IL17RD: variants seen among roughly 807,000 people sequenced by gnomAD.
IL17RD encodes the protein interleukin 17 receptor D.
In IL17RD, 52 loss-of-function variants were observed where a neutral mutation model predicts 80.5. The ratio of observed to expected loss-of-function variants is 0.65; its 90% confidence interval spans 0.52 to 0.81. IL17RD has a LOEUF of 0.81. Among genes scored for constraint, IL17RD ranks in the 40% least tolerant of loss-of-function variants. The probability of loss-of-function intolerance (pLI) is 0.00; values close to 1 mark genes in which losing one functional copy is unlikely to be tolerated. For synonymous variants in IL17RD, 416 were observed against 391.8 expected (o/e 1.06, Z -0.73); for missense variants, 1,024 against 955.1 (o/e 1.07, Z -0.95).
chr3:57,126,259 G>A (rs1707456380), intron 1 of IL17RD, among the ~76,000 whole-genome samples: 1 of 152,172 alleles, frequency 6.6e-6, no homozygotes, highest in Admixed American at 6.5e-5. Context: ...TGTTCCAAAG[G>A]GAGCTAAGCA....
At chr3:57,165,434 C>T (rs928182601), upstream of IL17RD, 34 of 561,252 alleles carry the variant, frequency 6.1e-5, no homozygotes, top group Non-Finnish European at 8.0e-5. Flanking sequence ...CCGCCCCCAC[C>T]CTCAGTCCTC....
intron 1 of IL17RD, among the ~76,000 whole-genome samples, chr3:57,135,568 T>A (rs1707707753): frequency 6.6e-6 from 1 of 152,232 alleles, no homozygotes; most frequent in African/African-American, 2.4e-5. Context: ...CCAGACGGTC[T>A]TTACTGCCTG....
rs201447375 is a variant in IL17RD, at chr3:57,098,372, G to C, written c.1331C>G (p.Ser444Trp). 3.1e-5 allele frequency: 50 copies of C among 1,613,884 alleles called. No individual in the cohort carries two copies. The highest frequency in any genetic ancestry group is 3.3e-4 in the Middle Eastern group (2 of 6,084). ...CACCAGGAAGAGCTCTCCTTTCCCC[G>C]AGCCTCGGCCACCTCCTTTGTGTTT... ...NYKHKGGGRG[S>W]GKGELFLVAV... Residue 444 changes from serine to tryptophan, a missense_variant, in exon 12 of 13, where the codon TCG becomes TGG. Physicochemically the swap from Ser to Trp is radical, Grantham distance 177 (BLOSUM62 -3). Coordinates refer to ENST00000296318, the MANE Select transcript of IL17RD (RefSeq NM_017563.5).
intron 5 of IL17RD, among the ~76,000 whole-genome samples, chr3:57,107,128 C>G (rs896616068): frequency 6.6e-6 from 1 of 152,140 alleles, no homozygotes; most frequent in Non-Finnish European, 1.5e-5. Context: ...CCTGTAATCC[C>G]AGCACTTTGG....
intron 1 of IL17RD, among the ~76,000 whole-genome samples, chr3:57,135,952 G>T (rs1707717102): frequency 6.6e-6 from 1 of 152,096 alleles, no homozygotes; most frequent in Non-Finnish European, 1.5e-5. Context: ...TATTGATGTG[G>T]GTATCCTAAA....
chr3:57,097,499 A>G (rs2107461012), intron 12 of IL17RD, 97 bp downstream of exon 12: 1 of 915,650 alleles, frequency 1.1e-6, no homozygotes, highest in Non-Finnish European at 1.7e-6. Context: ...TCATTGCCCA[A>G]TAAGTTGGCA....
upstream of IL17RD, chr3:57,170,222 G>A (rs866472242): frequency 2.6e-5 from 4 of 152,398 alleles, no homozygotes; most frequent in African/African-American, 7.2e-5. Context: ...TAGTTCTGGA[G>A]CGGTGCGTAC....
chr3:57,164,860 C>A (rs1454964093), intron 1 of IL17RD: 42 of 1,150,312 alleles, frequency 3.7e-5, no homozygotes, highest in Non-Finnish European at 4.3e-5. Context: ...AAGGGTGGGG[C>A]GCCCGGCCCA....
At chr3:57,148,464 A>T (rs1241472130) in intron 1 of IL17RD, among the ~76,000 whole-genome samples, 1 of 152,236 alleles carries the variant, frequency 6.6e-6, no homozygotes, top group Non-Finnish European at 1.5e-5. Flanking sequence ...ATAGCTCACG[A>T]AATTTTTTGT....
intron 1 of IL17RD, among the ~76,000 whole-genome samples, chr3:57,146,017 G>T (rs555055324): frequency 6.9e-6 from 1 of 144,774 alleles, no homozygotes. Context: ...AAGCGTGCGC[G>T]CACACACACA....
chr3:57,120,129 G>C (rs1707301989), intron 2 of IL17RD, 127 bp downstream of exon 2: 1 of 729,512 alleles, frequency 1.4e-6, no homozygotes, highest in African/African-American at 1.7e-5. Flanking sequence ...TTTAGCTGTT[G>C]ACAAACCTGA....
At chr3:57,167,451 C>T (rs868345191), upstream of IL17RD, among the ~76,000 whole-genome samples, 1 of 152,126 alleles carries the variant, frequency 6.6e-6, no homozygotes, top group African/African-American at 2.4e-5. Flanking sequence ...GGATGTCCAG[C>T]GTTTGGCCAT....
Position 57,096,213 on chromosome 3 carries a change from G to C in IL17RD, c.*180C>G. 1.7e-6 allele frequency: 1 copy of C among 590,172 alleles called. No homozygotes were observed. The highest frequency in any genetic ancestry group is 3.1e-6 in the Non-Finnish European group (1 of 324,136). The allele number at this position is 590,172 out of a possible 1,614,324, so 36.6% of individuals were successfully genotyped here. On this transcript the variant is annotated 3_prime_UTR_variant, in exon 13 of 13. Transcript: ENST00000296318. ...CCATATCATTTTAGAAAATTGGAGA[G>C]TTTGTCAAGATATCCGGTAAAGGGT...
intron 7 of IL17RD, among the ~76,000 whole-genome samples, chr3:57,105,554 T>TATAC (rs1706942097): frequency 2.8e-5 from 1 of 35,922 alleles, no homozygotes; most frequent in Non-Finnish European, 6.0e-5. Flanking sequence ...AAAAAAAAAA[T>TATAC]ATATATATAT....
chr3:57,161,683 C>T (rs1181584780), intron 1 of IL17RD, among the ~76,000 whole-genome samples: 1 of 152,214 alleles, frequency 6.6e-6, no homozygotes, highest in Non-Finnish European at 1.5e-5. Flanking sequence ...AGATTCCTAA[C>T]TCCTTGTTCC....
At position 57,090,034 on chromosome 3, in the gene IL17RD, T is replaced by C. The variant is rs1489520613; in HGVS notation, c.*6359A>G. On this transcript the variant is annotated 3_prime_UTR_variant, in exon 13 of 13. Transcript: ENST00000296318. ...GAAATTCTAAGGTACAAAAACATTT[T>C]GTAAATGTCAGCTGTGATCTACTTT... The C allele has an allele frequency of 3.9e-5, 6 of 152,672 alleles. No homozygotes were observed. Among genetic ancestry groups the C allele is most frequent in the Non-Finnish European group, 8.8e-5 (6 of 68,046 alleles). The allele number at this position is 152,672 out of a possible 1,614,324, so 9.5% of individuals were successfully genotyped here.
rs1252462996 is a variant in IL17RD at position 57,097,672 on chromosome 3, T to C, written c.2031A>G (p.Pro677=). 1.2e-6 allele frequency: 2 copies of C among 1,605,256 alleles called. No individual in the cohort carries two copies. Among genetic ancestry groups the C allele is most frequent in the Non-Finnish European group, 1.7e-6 (2 of 1,176,272 alleles). The change falls in exon 12 of 13, where the codon CCA becomes CCG. Residue 677 remains proline (P), a synonymous_variant. Transcript: ENST00000296318. The part of the protein sequence containing the change: ...SSVPSSELSL[P]LMEGLSTDQT... ...GGTCCGTCGAGAGTCCTTCCATCAG[T>C]GGCAGAGACAGCTCGGATGAGGGCA... is the stretch of plus-strand genomic sequence containing the variant.
At chr3:57,106,378 T>C (rs1706966718) in intron 5 of IL17RD, among the ~76,000 whole-genome samples, 1 of 152,204 alleles carries the variant, frequency 6.6e-6, no homozygotes, top group African/African-American at 2.4e-5. Context: ...GCCACATAAA[T>C]GGTAACAATG....
chr3:57,134,628 A>G (rs1707683049), intron 1 of IL17RD: 4 of 813,742 alleles, frequency 4.9e-6, no homozygotes, highest in Middle Eastern at 2.3e-4. Context: ...CCGCAGGTCT[A>G]AGACCAAGGA....
Sources: gnomAD v4.1 joint callset for allele counts (sites outside exome capture counted in the v4.1 genomes callset) on GRCh38, gnomAD v4.1.1 for gene constraint, MANE v1.5 for transcripts, NCBI Gene and HGNC (gene_info 2026-07-23, HGNC 2026-07-21) for gene names.